LAMA4: variants seen among roughly 807,000 people sequenced by gnomAD.
LAMA4 encodes the protein laminin subunit alpha-4.
In LAMA4, 127 loss-of-function variants were observed where a neutral mutation model predicts 207.1. The ratio of observed to expected loss-of-function variants is 0.61; its 90% confidence interval spans 0.53 to 0.71. The LOEUF (loss-of-function observed/expected upper bound fraction) is 0.71. LAMA4 is among the 30% of genes least tolerant of loss of function. The pLI, the probability that LAMA4 is intolerant of heterozygous loss-of-function variation, is 0.00. For synonymous variants in LAMA4, 761 were observed against 816.0 expected, an observed-to-expected ratio of 0.93 and a Z score of 1.15; for missense variants, 2,093 against 2,246.5, an observed-to-expected ratio of 0.93 and a Z score of 1.38.
intron 2 of LAMA4, chr6:112,216,844 G>A: frequency 3.1e-6 from 1 of 325,352 alleles, no homozygotes; most frequent in East Asian, 8.2e-5. Flanking sequence ...TTAAGTATTA[G>A]TCAGGGTGAG....
At chr6:112,133,261 T>A in intron 27 of LAMA4, 88 bp downstream of exon 27, 1 of 1,410,004 alleles carries the variant, frequency 7.1e-7, no homozygotes, top group Admixed American at 1.7e-5. Flanking sequence ...GTACCTAGGA[T>A]CAGAGAGAAG....
At chr6:112,242,059 A>G (rs543517689) in intron 2 of LAMA4, among the ~76,000 whole-genome samples, 9 of 152,206 alleles carry the variant, frequency 5.9e-5, no homozygotes, top group Non-Finnish European at 1.2e-4. Context: ...CAGATTCCCC[A>G]AGTAAATTCT....
At chr6:112,130,462 T>C (rs1250898261) in intron 29 of LAMA4, among the ~76,000 whole-genome samples, 1 of 152,026 alleles carries the variant, frequency 6.6e-6, no homozygotes, top group African/African-American at 2.4e-5. Flanking sequence ...CCTACTCATG[T>C]TTTCTATGTC....
In LAMA4 at chr6:112,216,308, T is replaced by C. The variant is rs371074945; in HGVS notation, c.297+60A>G. On this transcript the variant is annotated intron_variant, in intron 3 of 38. Coordinates refer to ENST00000230538, the MANE Select transcript of LAMA4 (RefSeq NM_001105206.3). ...TCAAACATCCGAAAAATATTTTATCTTCACCCAAGATGCAAATGCCCAGTG... is the reference window on the plus strand; with the variant it reads ...TCAAACATCCGAAAAATATTTTATCCTCACCCAAGATGCAAATGCCCAGTG... 3.5e-5 allele frequency: 40 copies of C among 1,131,036 alleles called. No individual in the cohort carries two copies. In the African/African-American group the frequency reaches 5.4e-4, roughly 15 times the overall value. The allele number at this position is 1,131,036 out of a possible 1,614,324, so 70.1% of individuals were successfully genotyped here. A position where few individuals can be genotyped will look rare whatever the true frequency, so the allele number is the denominator to read the frequency against.
At chr6:112,211,029 T>A (rs1012332863) in intron 3 of LAMA4, among the ~76,000 whole-genome samples, 3 of 152,094 alleles carry the variant, frequency 2.0e-5, no homozygotes, top group Non-Finnish European at 4.4e-5. Flanking sequence ...GATCATAAGG[T>A]CTGCAAACTG....
chr6:112,227,976 C>G (rs1174720365), intron 2 of LAMA4, among the ~76,000 whole-genome samples: 1 of 152,192 alleles, frequency 6.6e-6, no homozygotes, highest in Non-Finnish European at 1.5e-5. Flanking sequence ...GCACAATACT[C>G]TCATTTTCCA....
At chr6:112,193,625 G>A (rs2237240) in intron 5 of LAMA4, among the ~76,000 whole-genome samples, 32,439 of 151,826 alleles carry the variant, frequency 0.21, 4,667 homozygotes, top group African/African-American at 0.4. Flanking sequence ...TACCTGCATC[G>A]AACCTCATAG....
intron 6 of LAMA4, 130 bp from the exon 7 acceptor site, chr6:112,189,335 C>A: frequency 1.4e-6 from 1 of 706,520 alleles, no homozygotes; most frequent in Middle Eastern, 2.3e-4. Flanking sequence ...TACATTCTTC[C>A]TTCAGACTGT....
At chr6:112,190,052 A>G (rs1782925917) in intron 6 of LAMA4, among the ~76,000 whole-genome samples, 1 of 152,200 alleles carries the variant, frequency 6.6e-6, no homozygotes, top group Non-Finnish European at 1.5e-5. Flanking sequence ...AACCAGGTTC[A>G]TGGGAGATCT....
chr6:112,205,893 T>G (rs1196945138), intron 4 of LAMA4, among the ~76,000 whole-genome samples: 1 of 152,134 alleles, frequency 6.6e-6, no homozygotes, highest in Non-Finnish European at 1.5e-5. Flanking sequence ...AACATGAAAC[T>G]TTGATAAAAA....
At chr6:112,180,807 C>A (rs775051671) in intron 9 of LAMA4, among the ~76,000 whole-genome samples, 9 of 152,142 alleles carry the variant, frequency 5.9e-5, no homozygotes, top group Non-Finnish European at 1.0e-4. Context: ...CAGTCCTGGA[C>A]AAACCAATAG....
At chr6:112,135,728 A>G (rs1461883305) in intron 25 of LAMA4, 1 of 186,870 alleles carries the variant, frequency 5.4e-6, no homozygotes, top group Non-Finnish European at 1.1e-5. Context: ...GTATTTACTT[A>G]TATGTATTCT....
intron 2 of LAMA4, among the ~76,000 whole-genome samples, chr6:112,243,445 A>G (rs549162065): frequency 2.0e-4 from 31 of 152,218 alleles, no homozygotes; most frequent in Admixed American, 1.8e-3. Context: ...TAATTGTAGA[A>G]TTTTGTTGCT....
In LAMA4 at chr6:112,117,806, G is replaced by A. The variant is rs1554324464; in HGVS notation, c.4914C>T (p.Thr1638=). ...TTTCCATGGGGCCTTCAAAGCAAGG[G>A]GTCACACTGAATGTCTGAGAAGCAG... ...ITSASQTFSV[T]PCFEGPMETG... is the part of the protein sequence containing the mutation. Residue 1638 remains threonine, a synonymous_variant, in exon 35 of 39, where the codon ACC becomes ACT. Coordinates refer to ENST00000230538, the MANE Select transcript of LAMA4 (RefSeq NM_001105206.3). The surrounding 1 kb of genome is among the most constrained non-coding windows in gnomAD (Gnocchi z 4.5). The A allele has an allele frequency of 6.2e-7, 1 of 1,613,746 alleles. No individual in the cohort carries two copies. The highest frequency in any genetic ancestry group is 1.7e-5 in the Admixed American group (1 of 59,968).
chr6:112,184,023 T>C (rs370778798), intron 9 of LAMA4, among the ~76,000 whole-genome samples: 2 of 151,266 alleles, frequency 1.3e-5, no homozygotes, highest in African/African-American at 4.8e-5. Flanking sequence ...GATACCAACA[T>C]GAAGTAACAA....
chr6:112,165,298 G>C (rs1562683357), intron 12 of LAMA4, 22 bp from the exon 13 acceptor site: 1 of 1,461,250 alleles, frequency 6.8e-7, no homozygotes, highest in East Asian at 2.3e-5. Flanking sequence ...AAGAGTAAGG[G>C]AGAGTGAAGT....
intron 12 of LAMA4, among the ~76,000 whole-genome samples, chr6:112,167,217 T>C (rs954360881): frequency 1.1e-4 from 16 of 152,318 alleles, no homozygotes; most frequent in Admixed American, 1.0e-3. Context: ...ATGCTGTAGG[T>C]GTAATAGTGA....
intron 2 of LAMA4, among the ~76,000 whole-genome samples, chr6:112,252,484 A>C (rs1367857205): frequency 6.6e-6 from 1 of 152,230 alleles, no homozygotes; most frequent in African/African-American, 2.4e-5. Flanking sequence ...GACCTAACAG[A>C]TACAAATACA....
chr6:112,190,871 T>TTTTCTTTC (rs1173465019), intron 6 of LAMA4, among the ~76,000 whole-genome samples: 21 of 91,600 alleles, frequency 2.3e-4, no homozygotes, highest in African/African-American at 2.9e-4. Flanking sequence ...CAAGGTTTCT[T>TTTTCTTTC]TTTCTTTCTT....
Sources: allele counts gnomAD v4.1 joint callset (sites outside exome capture counted in the v4.1 genomes callset), GRCh38; gene constraint gnomAD v4.1.1; non-coding constraint Gnocchi (gnomAD v3.1); transcripts MANE v1.5; gene names NCBI Gene and HGNC (gene_info 2026-07-23, HGNC 2026-07-21).